The following UBAP2 variants were observed in gnomAD, a reference collection of about 807,000 sequenced individuals.
UBAP2 encodes the protein ubiquitin associated protein 2.
In UBAP2, 75 loss-of-function variants were observed where a neutral mutation model predicts 139.6. The ratio of observed to expected loss-of-function variants is 0.54; its 90% confidence interval spans 0.45 to 0.65. UBAP2 has a LOEUF of 0.65. Ranked by LOEUF, UBAP2 falls within the 30% of genes least tolerant of loss-of-function variation. The pLI is 0.00. For synonymous variants in UBAP2, 526 were observed against 526.2 expected, an observed-to-expected ratio of 1.00 and a Z score of 0.01; for missense variants, 1,368 against 1,369.6, an observed-to-expected ratio of 1.00 and a Z score of 0.02.
At chr9:33,960,680 T>G in intron 10 of UBAP2, 146 bp downstream of exon 10, 1 of 702,152 alleles carries the variant, frequency 1.4e-6, no homozygotes, top group South Asian at 1.8e-5. Context: ...TTTGGGAGGC[T>G]GAGGCAGAAG....
At chr9:34,005,782 A>T (rs922273926) in intron 2 of UBAP2, among the ~76,000 whole-genome samples, 7 of 152,220 alleles carry the variant, frequency 4.6e-5, no homozygotes, top group African/African-American at 1.7e-4. Flanking sequence ...AAAGAATAAA[A>T]ATACAGTATA....
rs376947939 is a variant in UBAP2 at position 33,981,205 on chromosome 9, G to GATATATATATATATATATATTCTGGAT, written c.520+5554_520+5555insATCCAGAATATATATATATATATATAT. Among the ~76,000 whole-genome samples, 8 of 3,684 alleles carry GATATATATATATATATATATTCTGGAT rather than the reference G, an allele frequency of 2.2e-3. 3 individuals carry two copies. In the East Asian group the frequency reaches 0.027, roughly 12 times the overall value. 2.4% of individuals were successfully genotyped at this position (3,684 alleles called of 152,430 possible). A position where few individuals can be genotyped will look rare whatever the true frequency, so the allele number is the denominator to read the frequency against. Reference sequence around the variant, plus strand: ...TCTGGATATATATATATATATTCTGGATATATATATATATATTCTGGATAT... The same window carrying GATATATATATATATATATATTCTGGAT: ...TCTGGATATATATATATATATTCTGGATATATATATATATATATATTCTGGATATATATATATATATATTCTGGATAT... On this transcript the variant is annotated intron_variant, in intron 6 of 28. Transcript: ENST00000379238.
intron 4 of UBAP2, chr9:33,995,495 A>G (rs1822104222): frequency 7.5e-6 from 1 of 133,368 alleles, no homozygotes; most frequent in East Asian, 2.0e-4. Context: ...ATATTATTAA[A>G]TATATATATT....
chr9:34,017,531 C>T (rs1407955826), intron 1 of UBAP2, among the ~76,000 whole-genome samples: 1 of 152,142 alleles, frequency 6.6e-6, no homozygotes, highest in Non-Finnish European at 1.5e-5. Context: ...AACAACATTG[C>T]ACCCAGCCAA....
chr9:33,923,880 GGA>G lies in UBAP2; in HGVS notation c.2709_2710del (p.Pro904CysfsTer7). On this transcript the variant is annotated frameshift_variant, in exon 24 of 29. Transcript: ENST00000379238. LOFTEE classifies it high-confidence loss of function. ...GTAGCTATAGCCAGGTGGCAGTGCA[GGA>G]TTCACGAAGGGCTGCTGGGCTGTGT... is the stretch of plus-strand genomic sequence containing the variant. The G allele has an allele frequency of 3.7e-6, 6 of 1,614,224 alleles. No individual in the cohort carries two copies. The highest frequency in any genetic ancestry group is 5.1e-6 in the Non-Finnish European group (6 of 1,180,036).
intron 12 of UBAP2, among the ~76,000 whole-genome samples, chr9:33,950,058 ATTTCT>A (rs910026956): frequency 6.2e-5 from 9 of 144,830 alleles, no homozygotes; most frequent in African/African-American, 1.3e-4. Context: ...CAAAAATAAC[ATTTCT>A]TTTCTTTTCT....
At chr9:33,926,512 G>T in intron 22 of UBAP2, 105 bp downstream of exon 22, 1 of 1,285,748 alleles carries the variant, frequency 7.8e-7, no homozygotes, top group Non-Finnish European at 1.1e-6. Context: ...GGTTCCTCAG[G>T]CAGAGGATCC....
rs199586045 is a variant in UBAP2 at position 33,923,392 on chromosome 9, G to T, written c.2883C>A (p.His961Gln). The part of the protein sequence containing the change: ...PFQQASGYGQ[H>Q]GYSTGYDDLT... ...AGTACCCCTCACCTGTACTGTAGCC[G>T]TGCTGGCCATAACCACTGGCCTGCT... The change falls in exon 25 of 29, where the codon CAC becomes CAA. Residue 961 changes from histidine (H) to glutamine (Q), a missense_variant. By Grantham distance (24) the His-to-Gln change is conservative (BLOSUM62 0). Transcript: ENST00000379238. 2 of 1,614,030 alleles carry T rather than the reference G, an allele frequency of 1.2e-6. No homozygotes were observed. Among genetic ancestry groups the T allele is most frequent in the Non-Finnish European group, 1.7e-6 (2 of 1,180,012 alleles).
chr9:33,943,706 G>A (rs1564023948), intron 14 of UBAP2, 117 bp from the exon 15 acceptor site: 2 of 899,008 alleles, frequency 2.2e-6, no homozygotes, highest in Non-Finnish European at 3.3e-6. Context: ...AGAAGAAGGA[G>A]TGAGAAACAA....
intron 6 of UBAP2, among the ~76,000 whole-genome samples, chr9:33,984,528 T>C (rs1344639447): frequency 6.6e-6 from 1 of 151,694 alleles, no homozygotes; most frequent in Admixed American, 6.6e-5. Context: ...TTCTTTAAAT[T>C]AGCCAGGCAT....
At chr9:34,004,452 T>A (rs1339782867) in intron 2 of UBAP2, among the ~76,000 whole-genome samples, 1 of 151,656 alleles carries the variant, frequency 6.6e-6, no homozygotes, top group Admixed American at 6.6e-5. Flanking sequence ...GCCACTGCAC[T>A]CCAGCCTGTG....
At chr9:33,959,926 A>C (rs949871293) in intron 10 of UBAP2, among the ~76,000 whole-genome samples, 18 of 152,114 alleles carry the variant, frequency 1.2e-4, no homozygotes, top group African/African-American at 4.3e-4. Context: ...AATCCTACTT[A>C]ACACCTGGTA....
chr9:34,039,872 A>AG (rs57355880), intron 1 of UBAP2, among the ~76,000 whole-genome samples: 1 of 144,452 alleles, frequency 6.9e-6, no homozygotes, highest in African/African-American at 2.7e-5. Flanking sequence ...AAAAAAAAAA[A>AG]TACAAGCCGC....
chr9:33,960,982 C>G, intron 9 of UBAP2, 104 bp from the exon 10 acceptor site: 1 of 1,034,884 alleles, frequency 9.7e-7, no homozygotes, highest in Non-Finnish European at 1.5e-6. Flanking sequence ...AAGATACATA[C>G]GCCTCACTAG....
In UBAP2 at chr9:33,927,839, C is replaced by G. The variant is rs770942614; in HGVS notation, c.2329G>C (p.Ala777Pro). ...SLCLGGTPASASSSSSRAAPL... is the reference protein window; with the variant it reads ...SLCLGGTPASPSSSSSRAAPL... ...GCGGCCCTGCTACTGCTGCTGGATG[C>G]ACTCGCGGGGGTCCCACCCAGACAG... Residue 777 changes from alanine (A) to proline (P), a missense_variant, in exon 20 of 29, where the codon GCA (alanine) becomes CCA (proline). Coordinates refer to ENST00000379238, the MANE Select transcript of UBAP2 (RefSeq NM_001370062.2). The G allele has an allele frequency of 6.2e-6, 10 of 1,613,798 alleles. No homozygotes were observed. The East Asian group carries it at 2.0e-4, about 32-fold the overall frequency.
At chr9:34,008,403 C>T (rs1823426294) in intron 2 of UBAP2, among the ~76,000 whole-genome samples, 1 of 151,422 alleles carries the variant, frequency 6.6e-6, no homozygotes, top group Admixed American at 6.6e-5. Context: ...CCCTTTGAAC[C>T]AGGATGGTGT....
At chr9:34,033,626 G>A (rs1826073215) in intron 1 of UBAP2, among the ~76,000 whole-genome samples, 1 of 151,812 alleles carries the variant, frequency 6.6e-6, no homozygotes, top group African/African-American at 2.4e-5. Context: ...CGCCCAGGCT[G>A]AAGCGCAGTG....
intron 1 of UBAP2, among the ~76,000 whole-genome samples, chr9:34,034,039 A>G (rs1192870189): frequency 1.3e-5 from 2 of 152,030 alleles, no homozygotes; most frequent in Non-Finnish European, 2.9e-5. Context: ...CCCGGCTTCA[A>G]ATCAATTCTT....
Position 34,017,192 on chromosome 9 carries a change from G to C in UBAP2, c.-41-3C>G. Reference sequence around the variant, plus strand: ...AATGTATGTACAAAATAGAAAATCTGCAAGAAAGTAGGGATGGTAAGCAAA... The same window carrying C: ...AATGTATGTACAAAATAGAAAATCTCCAAGAAAGTAGGGATGGTAAGCAAA... On this transcript the variant is annotated splice_polypyrimidine_tract_variant and splice_region_variant and intron_variant, in intron 1 of 28. Coordinates refer to ENST00000379238, the MANE Select transcript of UBAP2 (RefSeq NM_001370062.2). 1 of 1,397,262 alleles carries C rather than the reference G, an allele frequency of 7.2e-7. No homozygotes were observed. Among genetic ancestry groups the C allele is most frequent in the Non-Finnish European group, 9.7e-7 (1 of 1,030,132 alleles). 86.6% of individuals were successfully genotyped at this position (1,397,262 alleles called of 1,614,324 possible).
Sources: gnomAD v4.1 joint callset for allele counts (sites outside exome capture counted in the v4.1 genomes callset) on GRCh38, gnomAD v4.1.1 for gene constraint, MANE v1.5 for transcripts, NCBI Gene and HGNC (gene_info 2026-07-23, HGNC 2026-07-21) for gene names.